The following CALCRL variants were observed in gnomAD, a reference collection of about 807,000 sequenced individuals.
The protein encoded by CALCRL is calcitonin gene-related peptide type 1 receptor.
Under a neutral mutation model 60.4 loss-of-function variants are expected in CALCRL, and 27 were observed. The ratio of observed to expected loss-of-function variants is 0.45; its 90% CI spans 0.33 to 0.62. The LOEUF (loss-of-function observed/expected upper bound fraction) is 0.62. CALCRL is among the 20% of genes least tolerant of loss of function. The probability of loss-of-function intolerance (pLI) is 0.03; values close to 1 mark genes in which losing one functional copy is unlikely to be tolerated. For synonymous variants in CALCRL, 190 were observed against 182.6 expected (o/e 1.04, Z -0.33); for missense variants, 424 against 540.7 (o/e 0.78, Z 2.14).
intron 12 of CALCRL, among the ~76,000 whole-genome samples, chr2:187,352,727 C>A (rs753316395): frequency 1.5e-4 from 23 of 151,720 alleles, no homozygotes; most frequent in Non-Finnish European, 1.3e-4. Context: ...TTTAAAGCAT[C>A]CCCTCTTTAT....
intron 1 of CALCRL, among the ~76,000 whole-genome samples, chr2:187,426,864 A>G (rs1359003716): frequency 6.6e-6 from 1 of 152,154 alleles, no homozygotes; most frequent in Non-Finnish European, 1.5e-5. Context: ...GCATTATTAT[A>G]GACTTTGATA....
At chr2:187,385,020 A>G (rs1688149224) in intron 4 of CALCRL, among the ~76,000 whole-genome samples, 2 of 152,182 alleles carry the variant, frequency 1.3e-5, no homozygotes, top group Admixed American at 1.3e-4. Flanking sequence ...GGGGCAGATG[A>G]GTGTGCAGAC....
At chr2:187,364,481 A>T (rs1451910263) in intron 8 of CALCRL, among the ~76,000 whole-genome samples, 1 of 151,646 alleles carries the variant, frequency 6.6e-6, no homozygotes, top group South Asian at 2.1e-4. Flanking sequence ...TTTTTTTTTT[A>T]AATATGCTAT....
intron 1 of CALCRL, among the ~76,000 whole-genome samples, chr2:187,399,540 T>C (rs1355447248): frequency 6.6e-6 from 1 of 151,410 alleles, no homozygotes; most frequent in African/African-American, 2.4e-5. Flanking sequence ...AAGTATACTA[T>C]CAAGAAAATG....
chr2:187,351,297 A>AAAAAAAAAAAAAAAAAAG (rs1364127304), intron 14 of CALCRL, among the ~76,000 whole-genome samples: 1 of 148,420 alleles, frequency 6.7e-6, no homozygotes, highest in African/African-American at 2.5e-5. Flanking sequence ...AAAAAAAAAA[A>AAAAAAAAAAAAAAAAAAG]AAAGAAATAT....
At chr2:187,418,702 T>C (rs1231050153) in intron 1 of CALCRL, among the ~76,000 whole-genome samples, 1 of 152,154 alleles carries the variant, frequency 6.6e-6, no homozygotes, top group Non-Finnish European at 1.5e-5. Context: ...TACCAACCTT[T>C]GCAAAGCTGA....
At chr2:187,407,610 C>G (rs753202910) in intron 1 of CALCRL, among the ~76,000 whole-genome samples, 9 of 151,964 alleles carry the variant, frequency 5.9e-5, no homozygotes, top group Non-Finnish European at 1.2e-4. Context: ...CTGACATTGA[C>G]TTTTATATTA....
At chr2:187,436,595 T>TA (rs1233426948) in intron 1 of CALCRL, 4 of 152,180 alleles carry the variant, frequency 2.6e-5, no homozygotes, top group Non-Finnish European at 5.9e-5. Context: ...ACTTAACACT[T>TA]ACCATTGTCC....
intron 14 of CALCRL, among the ~76,000 whole-genome samples, chr2:187,347,353 A>G (rs1191269624): frequency 1.3e-5 from 2 of 151,804 alleles, no homozygotes; most frequent in African/African-American, 2.4e-5. Context: ...GACCCGATCT[A>G]TATCTGCCCA....
At chr2:187,407,646 A>G (rs758481650) in intron 1 of CALCRL, among the ~76,000 whole-genome samples, 2 of 152,106 alleles carry the variant, frequency 1.3e-5, no homozygotes, top group Non-Finnish European at 2.9e-5. Flanking sequence ...AATTTTAATA[A>G]TACAAGAATG....
Position 187,380,555 on chromosome 2 carries a change from TG to T in CALCRL, c.319del (p.Gln107LysfsTer29). ...TGGATGTCTAAACCAGTTTCCATCT[TG>T]GTCACAGATCTTTGTAACTTTTTCT... ...PSEKVTKICD[Q>X]DGNWFRHPAS... On this transcript the variant is annotated frameshift_variant, in exon 7 of 15. Coordinates refer to ENST00000392370, the MANE Select transcript of CALCRL (RefSeq NM_005795.6). LOFTEE classifies it high-confidence loss of function. 1 of 1,613,170 alleles carries T rather than the reference TG, an allele frequency of 6.2e-7. No homozygotes were observed. Among genetic ancestry groups the T allele is most frequent in the South Asian group, 1.1e-5 (1 of 91,020 alleles).
chr2:187,361,627 A>G (rs1050843173), intron 9 of CALCRL, among the ~76,000 whole-genome samples: 1 of 151,992 alleles, frequency 6.6e-6, no homozygotes, highest in Admixed American at 6.6e-5. Context: ...TAATAATGGC[A>G]TCTGCATAGG....
intron 8 of CALCRL, among the ~76,000 whole-genome samples, chr2:187,367,733 G>A (rs1347836834): frequency 3.3e-5 from 5 of 151,836 alleles, no homozygotes; most frequent in Non-Finnish European, 5.9e-5. Flanking sequence ...AAAATCCTTC[G>A]ATTTCTTTAA....
chr2:187,375,133 G>A (rs371360033), intron 8 of CALCRL, among the ~76,000 whole-genome samples: 6,228 of 151,334 alleles, frequency 0.041, 420 homozygotes, highest in African/African-American at 0.14. Flanking sequence ...TTAGCCGGGC[G>A]CGGTGGCGGG....
intron 8 of CALCRL, among the ~76,000 whole-genome samples, chr2:187,377,389 A>T (rs550447473): frequency 3.5e-4 from 53 of 152,044 alleles, no homozygotes; most frequent in Non-Finnish European, 5.7e-4. Context: ...AATGAGAGAA[A>T]TGTATCACAG....
chr2:187,390,383 T>G (rs926797125), intron 1 of CALCRL, among the ~76,000 whole-genome samples: 1 of 152,154 alleles, frequency 6.6e-6, no homozygotes, highest in African/African-American at 2.4e-5. Flanking sequence ...TACAAAATAA[T>G]TTTTTAATGA....
intron 8 of CALCRL, among the ~76,000 whole-genome samples, chr2:187,378,093 A>C (rs1316805004): frequency 1.3e-5 from 2 of 150,712 alleles, no homozygotes; most frequent in Non-Finnish European, 3.0e-5. Context: ...CAAGAAAGAG[A>C]AGGAGGAGGA....
intron 8 of CALCRL, among the ~76,000 whole-genome samples, chr2:187,373,567 G>A (rs947203386): frequency 6.6e-6 from 1 of 152,032 alleles, no homozygotes; most frequent in African/African-American, 2.4e-5. Context: ...AGATCTTAAT[G>A]GTATAACATA....
rs1437372540 is a variant in CALCRL at position 187,342,745 on chromosome 2, G to T, written c.*3439C>A. 6.6e-6 allele frequency among the ~76,000 whole-genome samples: 1 copy of T among 151,426 alleles called. No individual in the cohort carries two copies. The highest frequency in any genetic ancestry group is 1.5e-5 in the Non-Finnish European group (1 of 67,542). The stretch of plus-strand genomic sequence containing the variant: ...ATTGCCCTAAGGATAGAGTGGTTTT[G>T]CACTTATTTATAAATTTATTTCAAC... On this transcript the variant is annotated 3_prime_UTR_variant, in exon 15 of 15. Transcript: ENST00000392370.
Sources: gnomAD v4.1 joint callset for allele counts (sites outside exome capture counted in the v4.1 genomes callset) on GRCh38, gnomAD v4.1.1 for gene constraint, MANE v1.5 for transcripts, NCBI Gene and HGNC (gene_info 2026-07-23, HGNC 2026-07-21) for gene names.